FGGY: variants seen among roughly 807,000 people sequenced by gnomAD.
FGGY encodes the protein FGGY carbohydrate kinase domain containing.
A neutral mutation model predicts 71.3 loss-of-function variants in FGGY; 72 were observed. That is an observed-to-expected ratio of 1.01 (90% CI 0.84 to 1.23). FGGY has a LOEUF of 1.23. Ranked by LOEUF, FGGY falls within the 50% of genes most tolerant of loss-of-function variation. FGGY has a pLI of 0.00. For missense variants in FGGY, 668 were observed against 682.3 expected, an observed-to-expected ratio of 0.98 and a Z score of 0.23; for synonymous variants, 251 against 250.3, an observed-to-expected ratio of 1.00 and a Z score of -0.02.
chr1:59,569,469 G>C (rs1258154495), intron 8 of FGGY, among the ~76,000 whole-genome samples: 2 of 152,194 alleles, frequency 1.3e-5, no homozygotes, highest in East Asian at 1.9e-4. Context: ...CATGGTACCA[G>C]AAGTATATCT....
At chr1:59,622,262 TTCTTA>T (rs775709955) in intron 9 of FGGY, among the ~76,000 whole-genome samples, 4 of 152,140 alleles carry the variant, frequency 2.6e-5, no homozygotes, top group Non-Finnish European at 5.9e-5. Flanking sequence ...TACTTTAAAA[TTCTTA>T]TCTTCTAACG....
intron 14 of FGGY, among the ~76,000 whole-genome samples, chr1:59,734,556 A>C (rs2098083169): frequency 6.6e-6 from 1 of 152,146 alleles, no homozygotes; most frequent in Non-Finnish European, 1.5e-5. Flanking sequence ...CCCCTCCTTC[A>C]GCCATTAATA....
chr1:59,507,399 C>G (rs2094414230), intron 6 of FGGY, among the ~76,000 whole-genome samples: 1 of 152,228 alleles, frequency 6.6e-6, no homozygotes. Flanking sequence ...CTTAATTTAA[C>G]AAAAGGAAGT....
intron 14 of FGGY, among the ~76,000 whole-genome samples, chr1:59,702,527 G>A (rs571314229): frequency 6.6e-6 from 1 of 152,116 alleles, no homozygotes; most frequent in Non-Finnish European, 1.5e-5. Flanking sequence ...TGAGAACTAT[G>A]GGGTAAACAA....
At chr1:59,325,356 C>CCAACAA (rs563370217) in intron 2 of FGGY, among the ~76,000 whole-genome samples, 110 of 128,804 alleles carry the variant, frequency 8.5e-4, no homozygotes, top group African/African-American at 3.1e-3. Flanking sequence ...GACTCCGTGT[C>CCAACAA]CAACAACAGC....
chr1:59,373,840 A>T (rs1355503209), intron 4 of FGGY, among the ~76,000 whole-genome samples: 1 of 152,214 alleles, frequency 6.6e-6, no homozygotes, highest in Admixed American at 6.5e-5. Context: ...GTGCTGGGAA[A>T]ACTGGCTAGC....
chr1:59,639,969 A>G (rs868378230), intron 11 of FGGY, among the ~76,000 whole-genome samples: 1 of 152,224 alleles, frequency 6.6e-6, no homozygotes, highest in African/African-American at 2.4e-5. Context: ...ATGAAATTCC[A>G]AAGAAATCAA....
chr1:59,656,801 A>G (rs1391540672), intron 11 of FGGY, among the ~76,000 whole-genome samples: 3 of 146,904 alleles, frequency 2.0e-5, no homozygotes, highest in Admixed American at 7.7e-5. Flanking sequence ...AAGGATAGCT[A>G]TGTTTTATTT....
At chr1:59,511,615 C>G (rs779522890) in intron 6 of FGGY, among the ~76,000 whole-genome samples, 15 of 151,836 alleles carry the variant, frequency 9.9e-5, no homozygotes, top group Non-Finnish European at 1.3e-4. Flanking sequence ...GCAAGACAAT[C>G]AATTCTTAAC....
At chr1:59,727,397 G>T (rs1365545029) in intron 14 of FGGY, among the ~76,000 whole-genome samples, 3 of 152,100 alleles carry the variant, frequency 2.0e-5, no homozygotes, top group Non-Finnish European at 4.4e-5. Flanking sequence ...TTTTCCTTTG[G>T]ATGTATACCC....
At chr1:59,719,126 C>A (rs2097865965) in intron 14 of FGGY, among the ~76,000 whole-genome samples, 1 of 152,198 alleles carries the variant, frequency 6.6e-6, no homozygotes, top group South Asian at 2.1e-4. Flanking sequence ...GGGCCTGTCC[C>A]TGGCAGCTTT....
chr1:59,574,202 G>A (rs2096039095), intron 8 of FGGY, among the ~76,000 whole-genome samples: 1 of 152,210 alleles, frequency 6.6e-6, no homozygotes, highest in Admixed American at 6.5e-5. Flanking sequence ...CCCTCTGGAG[G>A]TTCCAGGGGA....
chr1:59,392,757 CCTT>C (rs2060848712), intron 5 of FGGY, among the ~76,000 whole-genome samples: 2 of 151,694 alleles, frequency 1.3e-5, no homozygotes, highest in African/African-American at 4.8e-5. Context: ...CTTCATTTTT[CCTT>C]CTTCTCTGTA....
At chr1:59,607,423 T>C (rs11811533) in intron 8 of FGGY, among the ~76,000 whole-genome samples, 47 of 152,270 alleles carry the variant, frequency 3.1e-4, no homozygotes, top group African/African-American at 1.1e-3. Context: ...AAGACTGGCA[T>C]AGATTGAAGG....
intron 8 of FGGY, among the ~76,000 whole-genome samples, chr1:59,565,294 T>C (rs903394278): frequency 2.0e-5 from 3 of 152,124 alleles, no homozygotes; most frequent in Non-Finnish European, 4.4e-5. Flanking sequence ...TCCTTTCTTT[T>C]TTTTTAAGAC....
chr1:59,504,337 G>A (rs916662174), intron 6 of FGGY, among the ~76,000 whole-genome samples: 2 of 152,082 alleles, frequency 1.3e-5, no homozygotes, highest in Non-Finnish European at 2.9e-5. Context: ...CAAAGACAGG[G>A]TTGTGAGAAC....
intron 11 of FGGY, among the ~76,000 whole-genome samples, chr1:59,652,752 T>C (rs2153939313): frequency 6.6e-6 from 1 of 151,942 alleles, no homozygotes; most frequent in South Asian, 2.1e-4. Flanking sequence ...TTCTCTCAGC[T>C]CGTCAAAGTC....
intron 7 of FGGY, among the ~76,000 whole-genome samples, chr1:59,538,198 C>T (rs1287255388): frequency 6.6e-6 from 1 of 152,194 alleles, no homozygotes; most frequent in East Asian, 1.9e-4. Context: ...TAAACAGACA[C>T]TTCTCAAAAG....
chr1:59,321,390 A>G, intron 1 of FGGY, 146 bp from the exon 2 acceptor site: 1 of 687,578 alleles, frequency 1.5e-6, no homozygotes, highest in Non-Finnish European at 2.5e-6. Context: ...TACTGTTATC[A>G]CTAAAAATGT....
Sources: gnomAD v4.1 joint callset for allele counts (sites outside exome capture counted in the v4.1 genomes callset) on GRCh38, gnomAD v4.1.1 for gene constraint, MANE v1.5 for transcripts, NCBI Gene and HGNC (gene_info 2026-07-23, HGNC 2026-07-21) for gene names.